The following GRID2 variants were observed in gnomAD, a reference collection of about 807,000 sequenced individuals.
GRID2 encodes the protein glutamate receptor ionotropic, delta-2.
Under a neutral mutation model 114.8 loss-of-function variants are expected in GRID2, and 33 were observed. The observed-to-expected ratio is 0.29, with a 90% CI of 0.22 to 0.38. GRID2 has a LOEUF of 0.38. Among genes scored for constraint, GRID2 ranks in the 10% least tolerant of loss-of-function variants. GRID2 has a pLI of 1.00. For synonymous variants in GRID2, 505 were observed against 449.9 expected (o/e 1.12, Z -1.55); for missense variants, 1,184 against 1,257.7 (o/e 0.94, Z 0.89).
At chr4:92,993,218 A>G (rs1399549634) in intron 2 of GRID2, among the ~76,000 whole-genome samples, 1 of 151,670 alleles carries the variant, frequency 6.6e-6, no homozygotes, top group East Asian at 1.9e-4. Context: ...ATTGCCCAAG[A>G]TGATTGGTAT....
intron 2 of GRID2, among the ~76,000 whole-genome samples, chr4:92,619,122 G>T (rs1370891396): frequency 6.6e-6 from 1 of 151,596 alleles, no homozygotes; most frequent in African/African-American, 2.4e-5. Context: ...GTCAGCCAAG[G>T]ATTATTCAGA....
chr4:93,255,377 T>C (rs1383060746), intron 8 of GRID2, among the ~76,000 whole-genome samples: 2 of 152,106 alleles, frequency 1.3e-5, no homozygotes, highest in Admixed American at 1.3e-4. Flanking sequence ...AGACTTGTCT[T>C]CTCCCAATTC....
At chr4:92,789,933 G>C (rs1349059992) in intron 2 of GRID2, among the ~76,000 whole-genome samples, 1 of 151,834 alleles carries the variant, frequency 6.6e-6, no homozygotes, top group African/African-American at 2.4e-5. Flanking sequence ...CTGGAAGCCA[G>C]GGAAAGCTGC....
chr4:92,520,371 T>C (rs973000784), intron 1 of GRID2, among the ~76,000 whole-genome samples: 2 of 131,022 alleles, frequency 1.5e-5, no homozygotes, highest in Non-Finnish European at 3.5e-5. Context: ...CATGAACATA[T>C]TGATAAAAAA....
At chr4:93,015,213 C>T (rs1044841853) in intron 2 of GRID2, among the ~76,000 whole-genome samples, 3 of 151,946 alleles carry the variant, frequency 2.0e-5, no homozygotes, top group African/African-American at 7.3e-5. Context: ...AGATTAAAAC[C>T]CATTGGTAAT....
At chr4:92,833,886 CCAA>C (rs1357672835) in intron 2 of GRID2, 2 of 152,174 alleles carry the variant, frequency 1.3e-5, no homozygotes, top group Non-Finnish European at 2.9e-5. Context: ...CACTCCTGAG[CCAA>C]CACCAGCACA....
chr4:92,832,795 A>C (rs1742207899), intron 2 of GRID2, among the ~76,000 whole-genome samples: 1 of 152,118 alleles, frequency 6.6e-6, no homozygotes, highest in Non-Finnish European at 1.5e-5. Context: ...TAATAATAAT[A>C]ATATAAAATA....
At chr4:92,706,138 T>C (rs969088567) in intron 2 of GRID2, among the ~76,000 whole-genome samples, 1 of 152,138 alleles carries the variant, frequency 6.6e-6, no homozygotes, top group African/African-American at 2.4e-5. Flanking sequence ...GGGAGCATCA[T>C]ACGTTTTAAG....
intron 14 of GRID2, among the ~76,000 whole-genome samples, chr4:93,672,341 G>A (rs993117431): frequency 2.6e-5 from 4 of 152,228 alleles, no homozygotes; most frequent in African/African-American, 9.6e-5. Context: ...TGTTTGTGGG[G>A]GTGTCGATGG....
At chr4:92,356,404 C>T (rs771804773) in intron 1 of GRID2, among the ~76,000 whole-genome samples, 6 of 151,276 alleles carry the variant, frequency 4.0e-5, no homozygotes, top group East Asian at 1.9e-4. Context: ...TTTAGGAAAA[C>T]GTTCTATTTT....
At chr4:93,120,696 G>T (rs1179579795) in intron 4 of GRID2, among the ~76,000 whole-genome samples, 1 of 152,146 alleles carries the variant, frequency 6.6e-6, no homozygotes, top group Non-Finnish European at 1.5e-5. Context: ...GCTCAGGCCT[G>T]TAATCCCAGC....
At chr4:92,528,386 G>C (rs1026513273) in intron 1 of GRID2, among the ~76,000 whole-genome samples, 2 of 151,134 alleles carry the variant, frequency 1.3e-5, no homozygotes, top group East Asian at 3.9e-4. Context: ...ATCATTGTTT[G>C]AAGATTGATC....
chr4:92,809,491 G>A (rs1184949889), intron 2 of GRID2, among the ~76,000 whole-genome samples: 11 of 151,760 alleles, frequency 7.2e-5, no homozygotes, highest in Non-Finnish European at 1.2e-4. Flanking sequence ...TAATATTTTG[G>A]GGAAGTTGAT....
intron 8 of GRID2, among the ~76,000 whole-genome samples, chr4:93,361,771 C>T (rs2149275815): frequency 6.6e-6 from 1 of 152,010 alleles, no homozygotes; most frequent in Admixed American, 6.6e-5. Flanking sequence ...ACAGCAGAGA[C>T]TGAGGTAAAT....
chr4:93,073,240 T>G (rs1467949945), intron 2 of GRID2, among the ~76,000 whole-genome samples: 1 of 152,144 alleles, frequency 6.6e-6, no homozygotes, highest in Non-Finnish European at 1.5e-5. Flanking sequence ...TTTAATTGCT[T>G]GATGTGTACC....
In GRID2 at chr4:92,360,328, C is replaced by T. The variant is rs139411679; in HGVS notation, c.88+55584C>T. Among the ~76,000 whole-genome samples, 17 of 152,052 alleles carry T rather than the reference C, an allele frequency of 1.1e-4. No homozygotes were observed. In the East Asian group the frequency reaches 1.4e-3, roughly 12 times the overall value. ...CTTCAGCTGGGATACACCCCCACCACTCCTTGTCCTCTTCATAAAATTGTT... is the reference window on the plus strand; with the variant it reads ...CTTCAGCTGGGATACACCCCCACCATTCCTTGTCCTCTTCATAAAATTGTT... On this transcript the variant is annotated intron_variant, in intron 1 of 15. Coordinates refer to ENST00000282020, the MANE Select transcript of GRID2 (RefSeq NM_001510.4).
At chr4:93,015,496 T>C (rs1287357252) in intron 2 of GRID2, among the ~76,000 whole-genome samples, 1 of 152,140 alleles carries the variant, frequency 6.6e-6, no homozygotes, top group Non-Finnish European at 1.5e-5. Flanking sequence ...GACAACCTCA[T>C]AGGGTTGTAG....
intron 14 of GRID2, among the ~76,000 whole-genome samples, chr4:93,707,217 A>G (rs535823960): frequency 6.6e-6 from 1 of 152,208 alleles, no homozygotes; most frequent in African/African-American, 2.4e-5. Context: ...CTGGTCTCAT[A>G]GAATAAGTTG....
chr4:93,629,997 G>A (rs1743095017), intron 14 of GRID2, among the ~76,000 whole-genome samples: 1 of 152,106 alleles, frequency 6.6e-6, no homozygotes, highest in African/African-American at 2.4e-5. Flanking sequence ...ATCAAATTCA[G>A]GTTCGGAGAC....
Sources: allele counts gnomAD v4.1 joint callset (sites outside exome capture counted in the v4.1 genomes callset), GRCh38; gene constraint gnomAD v4.1.1; transcripts MANE v1.5; gene names NCBI Gene and HGNC (gene_info 2026-07-23, HGNC 2026-07-21).